The following SEMA6D variants were observed in gnomAD, a reference collection of about 807,000 sequenced individuals.
SEMA6D encodes the protein semaphorin 6D, also known as semaphorin-6D.
Under a neutral mutation model 106.6 loss-of-function variants are expected in SEMA6D, and 35 were observed. The observed-to-expected ratio is 0.33, with a 90% CI of 0.25 to 0.44. The LOEUF (loss-of-function observed/expected upper bound fraction) is 0.44, where lower values mean the gene tolerates loss of function less well. SEMA6D is among the 20% of genes least tolerant of loss of function. The pLI is 1.00. For synonymous variants in SEMA6D, 499 were observed against 487.7 expected (o/e 1.02, Z -0.31); for missense variants, 1,185 against 1,345.9 (o/e 0.88, Z 1.87).
chr15:47,588,129 A>G (rs1291419943), intron 3 of SEMA6D, among the ~76,000 whole-genome samples: 1 of 152,076 alleles, frequency 6.6e-6, no homozygotes, highest in Non-Finnish European at 1.5e-5. Context: ...TATCCCATAC[A>G]CACTCCTAGT....
At chr15:47,241,104 G>A (rs1160729664) in intron 1 of SEMA6D, 1 of 152,068 alleles carries the variant, frequency 6.6e-6, no homozygotes, top group East Asian at 1.9e-4. Flanking sequence ...AATGCAAATG[G>A]CACTATTATC....
intron 1 of SEMA6D, among the ~76,000 whole-genome samples, chr15:47,232,773 A>G (rs1485803817): frequency 1.3e-5 from 2 of 151,814 alleles, no homozygotes; most frequent in Admixed American, 1.3e-4. Flanking sequence ...GTTTTTAAAT[A>G]AGGTTTTTAG....
intron 1 of SEMA6D, among the ~76,000 whole-genome samples, chr15:47,388,841 G>A (rs146756387): frequency 6.6e-6 from 1 of 152,092 alleles, no homozygotes; most frequent in East Asian, 1.9e-4. Context: ...GCCACAAATG[G>A]GTTAGACATT....
Position 47,770,004 on chromosome 15 carries a change from A to G in SEMA6D, c.1934-493A>G, listed in dbSNP as rs535131527. Among the ~76,000 whole-genome samples the G allele has an allele frequency of 3.3e-5, 5 of 152,290 alleles. 1 individual carries two copies. In the South Asian group the frequency reaches 1.0e-3, roughly 32 times the overall value. Reference sequence around the variant, plus strand: ...GCAGATATTTTTGGTTTGTGAACAAATTATATGTTCATATTAAAGTTAGTA... The same window carrying G: ...GCAGATATTTTTGGTTTGTGAACAAGTTATATGTTCATATTAAAGTTAGTA... On this transcript the variant is annotated intron_variant, in intron 18 of 18. Transcript: ENST00000536845.
chr15:47,426,268 G>T (rs1183673666), intron 2 of SEMA6D, among the ~76,000 whole-genome samples: 1 of 151,980 alleles, frequency 6.6e-6, no homozygotes, highest in Admixed American at 6.6e-5. Flanking sequence ...GCTTCATGTG[G>T]CTGGTACTAC....
intron 4 of SEMA6D, among the ~76,000 whole-genome samples, chr15:47,670,928 C>G (rs1340543937): frequency 2.0e-5 from 3 of 152,030 alleles, no homozygotes; most frequent in Admixed American, 6.5e-5. Context: ...TTTCCTAAAC[C>G]AAGTTTATAT....
chr15:47,188,518 G>A (rs1042268711), intron 1 of SEMA6D, among the ~76,000 whole-genome samples: 1 of 152,002 alleles, frequency 6.6e-6, no homozygotes, highest in Non-Finnish European at 1.5e-5. Flanking sequence ...AATCTCAGGG[G>A]TAATGTAGAT....
rs926265873 is a variant in SEMA6D at position 47,515,241 on chromosome 15, G to A, written c.-87+44696G>A. On this transcript the variant is annotated intron_variant, in intron 3 of 19. Transcript: ENST00000558014. Reference sequence around the variant, plus strand: ...CAAAGAGGCCTATTAATAAGCCAGAGTACCCAATTCCGCTTGTTAACTACC... The same window carrying A: ...CAAAGAGGCCTATTAATAAGCCAGAATACCCAATTCCGCTTGTTAACTACC... 5.9e-5 allele frequency among the ~76,000 whole-genome samples: 9 copies of A among 152,270 alleles called. No homozygotes were observed. The East Asian group carries it at 1.7e-3, about 29-fold the overall frequency.
intron 1 of SEMA6D, among the ~76,000 whole-genome samples, chr15:47,371,986 G>A (rs1010712457): frequency 5.3e-5 from 8 of 152,216 alleles, no homozygotes; most frequent in African/African-American, 1.9e-4. Context: ...CGTGTTAGTA[G>A]TTGAAGTCAA....
chr15:47,290,606 A>G (rs1244174173), intron 1 of SEMA6D, among the ~76,000 whole-genome samples: 4 of 137,424 alleles, frequency 2.9e-5, no homozygotes, highest in African/African-American at 1.1e-4. Flanking sequence ...AATATATAAC[A>G]TCAATTTAAT....
intron 1 of SEMA6D, among the ~76,000 whole-genome samples, chr15:47,304,433 T>TAAAAAAAAAAAAAAAAAA (rs56185341): frequency 1.1e-5 from 1 of 93,840 alleles, no homozygotes; most frequent in African/African-American, 6.1e-5. Flanking sequence ...GCCTTCTAAC[T>TAAAAAAAAAAAAAAAAAA]AAAAAAAAAA....
chr15:47,680,746 A>T (rs961552499), intron 4 of SEMA6D, among the ~76,000 whole-genome samples: 4 of 152,242 alleles, frequency 2.6e-5, no homozygotes, highest in Admixed American at 1.3e-4. Context: ...TCAATAGCAA[A>T]AAATAAATAA....
intron 3 of SEMA6D, among the ~76,000 whole-genome samples, 168 bp downstream of exon 3, chr15:47,760,583 A>G (rs1054750785): frequency 6.6e-6 from 1 of 152,200 alleles, no homozygotes; most frequent in African/African-American, 2.4e-5. Context: ...AACAAAATAC[A>G]GAGCTCAAGC....
intron 2 of SEMA6D, among the ~76,000 whole-genome samples, chr15:47,452,214 G>A (rs1433423819): frequency 1.3e-5 from 2 of 151,628 alleles, no homozygotes; most frequent in African/African-American, 2.4e-5. Flanking sequence ...TAACGATGAG[G>A]CAAATCAATA....
At chr15:47,486,777 G>A (rs2043309243) in intron 3 of SEMA6D, among the ~76,000 whole-genome samples, 1 of 152,136 alleles carries the variant, frequency 6.6e-6, no homozygotes, top group African/African-American at 2.4e-5. Flanking sequence ...GATGACACAG[G>A]TGCTAAATCT....
intron 3 of SEMA6D, among the ~76,000 whole-genome samples, chr15:47,550,324 A>T (rs186085659): frequency 6.6e-6 from 1 of 152,200 alleles, no homozygotes; most frequent in Non-Finnish European, 1.5e-5. Flanking sequence ...TAATACCACA[A>T]GAGAGGTGTA....
At chr15:47,616,625 G>A (rs1412590484) in intron 4 of SEMA6D, among the ~76,000 whole-genome samples, 1 of 151,690 alleles carries the variant, frequency 6.6e-6, no homozygotes, top group Non-Finnish European at 1.5e-5. Context: ...TTGTTTAAGT[G>A]TGTAGGTATT....
intron 2 of SEMA6D, among the ~76,000 whole-genome samples, chr15:47,446,589 C>T (rs901160463): frequency 7.9e-5 from 12 of 152,024 alleles, no homozygotes; most frequent in Non-Finnish European, 1.6e-4. Context: ...TGGTGTAAAG[C>T]GGGTGTTTAG....
At chr15:47,649,221 A>G (rs553331081) in intron 4 of SEMA6D, among the ~76,000 whole-genome samples, 1 of 152,300 alleles carries the variant, frequency 6.6e-6, no homozygotes, top group African/African-American at 2.4e-5. Context: ...TCACTTAAAT[A>G]GAAGCATTGA....
Sources: allele counts gnomAD v4.1 joint callset (sites outside exome capture counted in the v4.1 genomes callset), GRCh38; gene constraint gnomAD v4.1.1; transcripts MANE v1.5; gene names NCBI Gene and HGNC (gene_info 2026-07-23, HGNC 2026-07-21).